The following EXOC4 variants were observed in gnomAD, a reference collection of about 807,000 sequenced individuals.
EXOC4 encodes the protein SEC8-like 1.
In EXOC4, 71 loss-of-function variants were observed where a neutral mutation model predicts 107.2. That is an observed-to-expected ratio of 0.66 (90% CI 0.55 to 0.81). EXOC4 has a LOEUF of 0.81. Ranked by LOEUF, EXOC4 falls within the 30% of genes least tolerant of loss-of-function variation. The pLI, the probability that EXOC4 is intolerant of heterozygous loss-of-function variation, is 0.00. For synonymous variants in EXOC4, 456 were observed against 441.2 expected, an observed-to-expected ratio of 1.03 and a Z score of -0.42; for missense variants, 1,108 against 1,189.6, an observed-to-expected ratio of 0.93 and a Z score of 1.01.
intron 7 of EXOC4, among the ~76,000 whole-genome samples, chr7:133,448,958 A>G (rs1215080245): frequency 6.6e-6 from 1 of 152,084 alleles, no homozygotes; most frequent in Non-Finnish European, 1.5e-5. Flanking sequence ...TACAAAAATT[A>G]TCTGGGTGTG....
intron 7 of EXOC4, among the ~76,000 whole-genome samples, chr7:133,458,896 A>C (rs1165173362): frequency 6.9e-6 from 1 of 144,516 alleles, no homozygotes; most frequent in East Asian, 2.1e-4. Context: ...AGGGCAATAT[A>C]TTCTCAACTT....
At chr7:133,573,940 T>C (rs1174324755) in intron 9 of EXOC4, among the ~76,000 whole-genome samples, 1 of 152,256 alleles carries the variant, frequency 6.6e-6, no homozygotes, top group East Asian at 1.9e-4. Context: ...GTAGAGAGAT[T>C]CTTCAGCTTT....
At chr7:133,416,564 A>T (rs1015650225) in intron 7 of EXOC4, among the ~76,000 whole-genome samples, 1 of 152,174 alleles carries the variant, frequency 6.6e-6, no homozygotes, top group Non-Finnish European at 1.5e-5. Context: ...CAGCATGGAG[A>T]GACTTTGTAT....
intron 10 of EXOC4, among the ~76,000 whole-genome samples, chr7:133,788,823 A>G (rs899160269): frequency 3.3e-5 from 5 of 152,008 alleles, no homozygotes; most frequent in Non-Finnish European, 7.4e-5. Flanking sequence ...CCCTACATGC[A>G]ATAGGCCCTC....
At chr7:133,824,753 G>A (rs991366287) in intron 11 of EXOC4, among the ~76,000 whole-genome samples, 12 of 152,204 alleles carry the variant, frequency 7.9e-5, no homozygotes, top group Admixed American at 2.0e-4. Context: ...CTCTGGCAGC[G>A]TAACTGCAAT....
intron 11 of EXOC4, among the ~76,000 whole-genome samples, chr7:133,823,870 TATTATATA>T (rs1266039279): frequency 0.019 from 232 of 12,296 alleles, 9 homozygotes; most frequent in South Asian, 0.058. Flanking sequence ...TATATATATA[TATTATATA>T]TATATATATA....
At chr7:133,294,728 A>AT (rs541893216) in intron 3 of EXOC4, among the ~76,000 whole-genome samples, 5 of 152,178 alleles carry the variant, frequency 3.3e-5, no homozygotes, top group Non-Finnish European at 7.4e-5. Flanking sequence ...GGATAAAGAA[A>AT]TTAGGGCAGC....
At chr7:133,351,287 G>A (rs950531172) in intron 5 of EXOC4, among the ~76,000 whole-genome samples, 5 of 151,946 alleles carry the variant, frequency 3.3e-5, no homozygotes, top group African/African-American at 1.2e-4. Flanking sequence ...TTCTTTAAAT[G>A]TTTGGTAGAA....
At chr7:133,754,314 A>G (rs774369488) in intron 10 of EXOC4, among the ~76,000 whole-genome samples, 2 of 152,190 alleles carry the variant, frequency 1.3e-5, no homozygotes, top group Admixed American at 6.6e-5. Context: ...TGTTAAGTTT[A>G]GGTTCGAATT....
At chr7:133,525,895 T>C (rs1027527256) in intron 9 of EXOC4, among the ~76,000 whole-genome samples, 78 of 152,276 alleles carry the variant, frequency 5.1e-4, no homozygotes, top group Non-Finnish European at 4.4e-5. Context: ...CCCTCTAAGG[T>C]CATGCCCTTT....
intron 9 of EXOC4, among the ~76,000 whole-genome samples, chr7:133,547,867 A>G (rs1031996602): frequency 1.3e-5 from 2 of 152,064 alleles, no homozygotes; most frequent in African/African-American, 4.8e-5. Context: ...CCAACTTCCA[A>G]ACTCCTGTTA....
chr7:134,078,445 A>G, the EXOC4 span, among the ~76,000 whole-genome samples: 888 of 152,240 alleles, frequency 5.8e-3, 15 homozygotes, highest in African/African-American at 0.02. Flanking sequence ...CCTGATGTCT[A>G]ATTATCTCAC....
At chr7:133,847,380 TA>T (rs1798148466) in intron 11 of EXOC4, among the ~76,000 whole-genome samples, 4 of 75,962 alleles carry the variant, frequency 5.3e-5, no homozygotes, top group Admixed American at 2.2e-4. Flanking sequence ...TTTATTTTTT[TA>T]ATTTTTTTTT....
chr7:133,323,657 T>C (rs1013281462), intron 5 of EXOC4, among the ~76,000 whole-genome samples: 1 of 152,232 alleles, frequency 6.6e-6, no homozygotes, highest in Non-Finnish European at 1.5e-5. Flanking sequence ...TCAGGGATAT[T>C]GGTCTAAAAT....
rs1042125604 is a variant in EXOC4 at position 133,677,393 on chromosome 7, A to G, written c.1514+47252A>G. Among the ~76,000 whole-genome samples, 20 of 152,274 alleles carry G rather than the reference A, an allele frequency of 1.3e-4. No individual in the cohort carries two copies. In the South Asian group the frequency reaches 3.9e-3, roughly 30 times the overall value. The stretch of plus-strand genomic sequence containing the variant: ...AGACACTTCCATCTTTGTCAAGGCC[A>G]TGCTAATCTCACCACAGAGAATGTA... On this transcript the variant is annotated intron_variant, in intron 10 of 17. Coordinates refer to ENST00000253861, the MANE Select transcript of EXOC4 (RefSeq NM_021807.4).
chr7:133,266,914 T>A (rs2150513553), intron 1 of EXOC4, among the ~76,000 whole-genome samples: 1 of 152,298 alleles, frequency 6.6e-6, no homozygotes, highest in Middle Eastern at 3.4e-3. Flanking sequence ...GAATGAGAAT[T>A]ATATCATGTG....
chr7:133,358,240 C>T (rs1469620900), intron 6 of EXOC4, among the ~76,000 whole-genome samples: 1 of 152,038 alleles, frequency 6.6e-6, no homozygotes, highest in African/African-American at 2.4e-5. Flanking sequence ...AACAAAAACA[C>T]CAAAAGTAAA....
chr7:133,675,875 A>G (rs764131865), intron 10 of EXOC4, among the ~76,000 whole-genome samples: 135 of 152,256 alleles, frequency 8.9e-4, no homozygotes, highest in Non-Finnish European at 1.4e-3. Flanking sequence ...TTTTAATACT[A>G]ATTTATTCAA....
At chr7:133,335,595 T>C (rs550746937) in intron 5 of EXOC4, among the ~76,000 whole-genome samples, 16 of 152,358 alleles carry the variant, frequency 1.1e-4, no homozygotes, top group Admixed American at 7.8e-4. Context: ...GTTTATCCAT[T>C]CATGTGTCAA....
Sources: gnomAD v4.1 joint callset for allele counts (sites outside exome capture counted in the v4.1 genomes callset) on GRCh38, gnomAD v4.1.1 for gene constraint, MANE v1.5 for transcripts, NCBI Gene and HGNC (gene_info 2026-07-23, HGNC 2026-07-21) for gene names.